TMEFF2: variants seen among roughly 807,000 people sequenced by gnomAD.
The protein encoded by TMEFF2 is transmembrane protein with EGF like and two follistatin like domains 2, also known as tomoregulin-2.
Under a neutral mutation model 53.8 loss-of-function variants are expected in TMEFF2, and 28 were observed. The observed-to-expected ratio is 0.52, with a 90% confidence interval of 0.39 to 0.71. The LOEUF is 0.71. Ranked by LOEUF, TMEFF2 falls within the 30% of genes least tolerant of loss-of-function variation. The pLI is 0.00. For synonymous variants in TMEFF2, 162 were observed against 166.3 expected (o/e 0.97, Z 0.20); for missense variants, 353 against 455.2 (o/e 0.78, Z 2.04).
At chr2:192,182,324 GT>G (rs947779810) in intron 3 of TMEFF2, among the ~76,000 whole-genome samples, 8 of 151,780 alleles carry the variant, frequency 5.3e-5, no homozygotes, top group Admixed American at 2.6e-4. Context: ...GTCAGACCTG[GT>G]TAATCAAAAT....
At chr2:192,021,299 T>G (rs1031592828) in intron 5 of TMEFF2, among the ~76,000 whole-genome samples, 2 of 152,132 alleles carry the variant, frequency 1.3e-5, no homozygotes, top group African/African-American at 2.4e-5. Context: ...GAATTTTGAT[T>G]ATTGAAGGTT....
chr2:192,026,832 G>A (rs565255769), intron 5 of TMEFF2, among the ~76,000 whole-genome samples: 1 of 152,250 alleles, frequency 6.6e-6, no homozygotes, highest in East Asian at 1.9e-4. Context: ...AAAGACTTCT[G>A]TTCATTTTTA....
intron 4 of TMEFF2, among the ~76,000 whole-genome samples, chr2:192,105,143 G>A: frequency 6.6e-6 from 1 of 151,944 alleles, no homozygotes; most frequent in Non-Finnish European, 1.5e-5. Flanking sequence ...CTTTTCATTT[G>A]ACCTACTCTA....
At chr2:191,963,962 GAAATT>G (rs2105794940) in intron 7 of TMEFF2, among the ~76,000 whole-genome samples, 2 of 152,232 alleles carry the variant, frequency 1.3e-5, no homozygotes, top group South Asian at 2.1e-4. Context: ...TTAGGAAAAT[GAAATT>G]AAAGTAGGTT....
intron 5 of TMEFF2, among the ~76,000 whole-genome samples, chr2:192,024,824 G>T (rs1374897844): frequency 6.6e-6 from 1 of 152,208 alleles, no homozygotes; most frequent in Non-Finnish European, 1.5e-5. Context: ...TAGCATGAAA[G>T]TCAACATAGA....
At chr2:192,090,980 G>C (rs1453157184) in intron 4 of TMEFF2, among the ~76,000 whole-genome samples, 1 of 152,122 alleles carries the variant, frequency 6.6e-6, no homozygotes, top group Non-Finnish European at 1.5e-5. Flanking sequence ...GAACTCTAAT[G>C]CTCCACTGAT....
At chr2:191,951,509 A>AC (rs1691882013) in intron 9 of TMEFF2, among the ~76,000 whole-genome samples, 1 of 152,128 alleles carries the variant, frequency 6.6e-6, no homozygotes, top group Non-Finnish European at 1.5e-5. Flanking sequence ...GATGAGGAAG[A>AC]CGAAAAATCA....
At chr2:192,108,431 T>G (rs1559129686) in intron 4 of TMEFF2, among the ~76,000 whole-genome samples, 1 of 151,980 alleles carries the variant, frequency 6.6e-6, no homozygotes, top group African/African-American at 2.4e-5. Context: ...TTCTTTACAC[T>G]AAAAGTCTTT....
At chr2:192,050,555 T>C (rs758015875) in intron 5 of TMEFF2, among the ~76,000 whole-genome samples, 4 of 151,086 alleles carry the variant, frequency 2.6e-5, no homozygotes, top group Non-Finnish European at 5.9e-5. Context: ...AGAAGTGTCA[T>C]TGTTATTCAT....
intron 4 of TMEFF2, among the ~76,000 whole-genome samples, chr2:192,151,224 T>C (rs905748892): frequency 1.3e-5 from 2 of 151,934 alleles, no homozygotes; most frequent in African/African-American, 4.8e-5. Flanking sequence ...TAATTAAACC[T>C]CTTTTATTTA....
At chr2:192,092,390 G>C (rs1688810318) in intron 4 of TMEFF2, among the ~76,000 whole-genome samples, 1 of 151,986 alleles carries the variant, frequency 6.6e-6, no homozygotes, top group South Asian at 2.1e-4. Context: ...ATACTTTATA[G>C]ATTATTTAAA....
At chr2:192,041,332 A>G (rs185005228) in intron 5 of TMEFF2, among the ~76,000 whole-genome samples, 8 of 152,342 alleles carry the variant, frequency 5.3e-5, no homozygotes, top group Admixed American at 5.2e-4. Context: ...TTCTTCTAAA[A>G]AGATAAACAA....
At chr2:192,112,972 T>G (rs1177755363) in intron 4 of TMEFF2, among the ~76,000 whole-genome samples, 1 of 152,210 alleles carries the variant, frequency 6.6e-6, no homozygotes, top group Admixed American at 6.6e-5. Context: ...ATTAAAATTC[T>G]TTTCCTTTAT....
intron 5 of TMEFF2, among the ~76,000 whole-genome samples, chr2:192,002,757 G>A (rs1686399138): frequency 6.6e-6 from 1 of 152,140 alleles, no homozygotes; most frequent in Non-Finnish European, 1.5e-5. Flanking sequence ...TTGAACGGGG[G>A]AGGCGGAGGT....
At chr2:192,021,235 T>C (rs1686852697) in intron 5 of TMEFF2, among the ~76,000 whole-genome samples, 2 of 152,146 alleles carry the variant, frequency 1.3e-5, no homozygotes, top group Admixed American at 6.5e-5. Context: ...GGAGAACTGA[T>C]CACAGGGCTC....
chr2:192,123,757 T>C (rs1288918691), intron 4 of TMEFF2, among the ~76,000 whole-genome samples: 2 of 152,190 alleles, frequency 1.3e-5, no homozygotes, highest in South Asian at 2.1e-4. Flanking sequence ...TTACAAACCA[T>C]GATGATGTTT....
chr2:192,041,318 A>G (rs1200317842), intron 5 of TMEFF2, among the ~76,000 whole-genome samples: 1 of 152,228 alleles, frequency 6.6e-6, no homozygotes, highest in Non-Finnish European at 1.5e-5. Flanking sequence ...ATCTGAATGG[A>G]TATTTCTTCT....
intron 7 of TMEFF2, among the ~76,000 whole-genome samples, chr2:191,980,615 G>A (rs1685832150): frequency 6.6e-6 from 1 of 152,062 alleles, no homozygotes; most frequent in Non-Finnish European, 1.5e-5. Context: ...GGTCATCTTT[G>A]CTTTTTCCTC....
chr2:192,119,483 T>C (rs923818362), intron 4 of TMEFF2, among the ~76,000 whole-genome samples: 1 of 152,224 alleles, frequency 6.6e-6, no homozygotes, highest in Non-Finnish European at 1.5e-5. Context: ...AAGGAATTCA[T>C]AGAATTCCAC....
Sources: gnomAD v4.1 joint callset for allele counts (sites outside exome capture counted in the v4.1 genomes callset) on GRCh38, gnomAD v4.1.1 for gene constraint, MANE v1.5 for transcripts, NCBI Gene and HGNC (gene_info 2026-07-23, HGNC 2026-07-21) for gene names.